The following ADTRP variants were observed in gnomAD, a reference collection of about 807,000 sequenced individuals.
ADTRP encodes androgen-dependent TFPI-regulating protein.
ADTRP carries 20 observed loss-of-function variants against 27.0 expected under a neutral mutation model. The ratio of observed to expected loss-of-function variants is 0.74; its 90% CI spans 0.52 to 1.08. The LOEUF is 1.08. Among genes scored for constraint, ADTRP ranks in the 50% least tolerant of loss-of-function variants. The pLI, the probability that ADTRP is intolerant of heterozygous loss-of-function variation, is 0.00. For missense variants in ADTRP, 251 were observed against 275.0 expected (o/e 0.91, Z 0.62); for synonymous variants, 101 against 105.2 (o/e 0.96, Z 0.25).
intron 1 of ADTRP, among the ~76,000 whole-genome samples, chr6:11,773,106 G>A (rs909392950): frequency 2.0e-5 from 3 of 152,098 alleles, no homozygotes; most frequent in African/African-American, 7.2e-5. Context: ...CAACATTCAC[G>A]GAATGTCAGT....
intron 2 of ADTRP, among the ~76,000 whole-genome samples, chr6:11,768,041 T>C (rs1763632909): frequency 6.6e-6 from 1 of 152,170 alleles, no homozygotes; most frequent in Admixed American, 6.5e-5. Context: ...TTTGCAGAGG[T>C]ACAAAAGCTA....
intron 3 of ADTRP, among the ~76,000 whole-genome samples, chr6:11,745,122 T>C (rs1442849124): frequency 6.6e-6 from 1 of 152,132 alleles, no homozygotes; most frequent in Non-Finnish European, 1.5e-5. Flanking sequence ...CATCTACTCA[T>C]TGGTGATTTT....
intron 3 of ADTRP, among the ~76,000 whole-genome samples, chr6:11,757,943 A>G (rs1763264543): frequency 6.6e-6 from 1 of 152,204 alleles, no homozygotes; most frequent in Admixed American, 6.5e-5. Flanking sequence ...TAGGAAACAA[A>G]TACACTGATC....
chr6:11,767,713 T>A (rs1763620475), intron 2 of ADTRP: 1 of 152,332 alleles, frequency 6.6e-6, no homozygotes, highest in Non-Finnish European at 1.5e-5. Context: ...CTCAGCAACA[T>A]GAATGAGGCA....
At chr6:11,733,586 T>A (rs1762453092) in intron 4 of ADTRP, among the ~76,000 whole-genome samples, 1 of 152,234 alleles carries the variant, frequency 6.6e-6, no homozygotes, top group Non-Finnish European at 1.5e-5. Flanking sequence ...GGCTTATGCC[T>A]ATTACAGTCC....
Position 11,718,658 on chromosome 6 carries a change from C to T in ADTRP, c.659-4146G>A, listed in dbSNP as rs1031164024. 2.0e-5 allele frequency among the ~76,000 whole-genome samples: 3 copies of T among 152,328 alleles called. No homozygotes were observed. The East Asian group carries it at 5.8e-4, about 29-fold the overall frequency. The stretch of plus-strand genomic sequence containing the variant: ...TCATGGTTTGAAGTTAACATTCCAT[C>T]TAACTCCTCCCAAAAAGTAGAAATT... On this transcript the variant is annotated intron_variant, in intron 5 of 5. Coordinates refer to ENST00000414691, the MANE Select transcript of ADTRP (RefSeq NM_032744.4).
At chr6:11,716,070 G>A (rs953489162) in intron 5 of ADTRP, among the ~76,000 whole-genome samples, 3 of 151,972 alleles carry the variant, frequency 2.0e-5, no homozygotes, top group Non-Finnish European at 4.4e-5. Flanking sequence ...TTTCTGTAGA[G>A]TATACTCTGG....
chr6:11,772,412 C>T (rs1220711878), intron 1 of ADTRP, among the ~76,000 whole-genome samples: 4 of 152,192 alleles, frequency 2.6e-5, no homozygotes, highest in Non-Finnish European at 5.9e-5. Context: ...ATCTTCAAAT[C>T]GTGGAAGCTT....
chr6:11,722,146 C>G (rs917571661), intron 5 of ADTRP, among the ~76,000 whole-genome samples: 3 of 150,104 alleles, frequency 2.0e-5, no homozygotes, highest in African/African-American at 7.4e-5. Flanking sequence ...TTTTTTTTTG[C>G]GATAATTTTC....
intron 3 of ADTRP, among the ~76,000 whole-genome samples, chr6:11,755,691 G>C (rs1763194584): frequency 6.6e-6 from 1 of 152,220 alleles, no homozygotes; most frequent in Non-Finnish European, 1.5e-5. Flanking sequence ...AAAAGATTCT[G>C]ACCTACTCTA....
At chr6:11,731,638 A>AT (rs61243775) in intron 4 of ADTRP, among the ~76,000 whole-genome samples, 64,090 of 151,572 alleles carry the variant, frequency 0.42, 14,549 homozygotes, top group African/African-American at 0.58. Flanking sequence ...ACCTTCTCTC[A>AT]TTTTTTCTAG....
chr6:11,775,451 G>A (rs1324681573), intron 1 of ADTRP, among the ~76,000 whole-genome samples: 1 of 152,056 alleles, frequency 6.6e-6, no homozygotes, highest in Non-Finnish European at 1.5e-5. Flanking sequence ...GGTCTCGGGG[G>A]CAGTAAGCAG....
intron 1 of ADTRP, among the ~76,000 whole-genome samples, chr6:11,769,094 A>G (rs994858451): frequency 6.6e-6 from 1 of 152,278 alleles, no homozygotes; most frequent in South Asian, 2.1e-4. Flanking sequence ...CAAGAAAGTA[A>G]TACGATATGG....
At chr6:11,748,149 G>A (rs1032664413) in intron 3 of ADTRP, among the ~76,000 whole-genome samples, 6 of 152,154 alleles carry the variant, frequency 3.9e-5, no homozygotes, top group African/African-American at 7.2e-5. Flanking sequence ...ATTAGACCAC[G>A]TGTCTCAGAT....
chr6:11,769,957 A>G (rs571051259), intron 1 of ADTRP: 1 of 1,480,588 alleles, frequency 6.8e-7, no homozygotes, highest in Non-Finnish European at 9.2e-7. Flanking sequence ...TTTCATTCTC[A>G]TAACAACCTT....
In ADTRP at chr6:11,771,365, G is replaced by C. The variant is rs111582583; in HGVS notation, c.154-2982C>G. ...GGAACCCCCGCGTGGGGGCTCAGGAGGGAGGCACTAGGGAGCCGCCAAGGA... is the reference window on the plus strand; with the variant it reads ...GGAACCCCCGCGTGGGGGCTCAGGACGGAGGCACTAGGGAGCCGCCAAGGA... On this transcript the variant is annotated intron_variant, in intron 1 of 5. Coordinates refer to ENST00000414691, the MANE Select transcript of ADTRP (RefSeq NM_032744.4). Among the ~76,000 whole-genome samples, 1,345 of 152,338 alleles carry C rather than the reference G, an allele frequency of 8.8e-3. 19 individuals are homozygous for C. The highest frequency in any genetic ancestry group is 0.031 in the African/African-American group (1,277 of 41,582).
intron 3 of ADTRP, among the ~76,000 whole-genome samples, chr6:11,766,011 A>G (rs1763559255): frequency 6.6e-6 from 1 of 152,152 alleles, no homozygotes; most frequent in South Asian, 2.1e-4. Context: ...CTGTCCTCTC[A>G]GAACTGTGTG....
chr6:11,728,520 C>T (rs1762287682), intron 4 of ADTRP: 1 of 152,348 alleles, frequency 6.6e-6, no homozygotes, highest in Admixed American at 6.5e-5. Flanking sequence ...GAATCTTACT[C>T]ACGCTTCAAA....
intron 4 of ADTRP, among the ~76,000 whole-genome samples, chr6:11,729,733 G>A (rs1016656976): frequency 2.6e-5 from 4 of 152,166 alleles, no homozygotes; most frequent in African/African-American, 9.7e-5. Flanking sequence ...TTCCAATGCT[G>A]AGGGCATATC....
Sources: allele counts gnomAD v4.1 joint callset (sites outside exome capture counted in the v4.1 genomes callset), GRCh38; gene constraint gnomAD v4.1.1; transcripts MANE v1.5; gene names NCBI Gene and HGNC (gene_info 2026-07-23, HGNC 2026-07-21).